BCKDHB: variants seen among roughly 807,000 people sequenced by gnomAD.
BCKDHB encodes branched chain keto acid dehydrogenase E1 subunit beta.
BCKDHB carries 41 observed loss-of-function variants against 48.5 expected under a neutral mutation model. That is an observed-to-expected ratio of 0.85 (90% CI 0.66 to 1.10). The LOEUF (loss-of-function observed/expected upper bound fraction) is 1.10, where lower values mean the gene tolerates loss of function less well. BCKDHB is among the 50% of genes least tolerant of loss of function. The pLI is 0.00. For synonymous variants in BCKDHB, 201 were observed against 174.8 expected (o/e 1.15, Z -1.18); for missense variants, 496 against 494.2 (o/e 1.00, Z -0.03).
At chr6:80,181,396 C>G (rs947869564) in intron 6 of BCKDHB, among the ~76,000 whole-genome samples, 1 of 152,142 alleles carries the variant, frequency 6.6e-6, no homozygotes, top group African/African-American at 2.4e-5. Context: ...CATACTCTGA[C>G]TGTCAGCCAT....
At chr6:80,353,088 C>A in the BCKDHB span, among the ~76,000 whole-genome samples, 1 of 152,260 alleles carries the variant, frequency 6.6e-6, no homozygotes, top group Non-Finnish European at 1.5e-5. Flanking sequence ...TCTCCATTCT[C>A]TATTATTCCA....
At chr6:80,428,568 G>A in the BCKDHB span, among the ~76,000 whole-genome samples, 4 of 152,096 alleles carry the variant, frequency 2.6e-5, no homozygotes, top group Non-Finnish European at 5.9e-5. Context: ...ACCATTCTAA[G>A]TGGTGTGAAA....
chr6:80,374,641 T>C, the BCKDHB span: 1 of 498,316 alleles, frequency 2.0e-6, no homozygotes, highest in African/African-American at 1.9e-5. Context: ...TTTAGGCCAT[T>C]TACATTCAAT....
At chr6:80,251,975 A>G (rs1355626153) in intron 8 of BCKDHB, among the ~76,000 whole-genome samples, 4 of 152,208 alleles carry the variant, frequency 2.6e-5, no homozygotes, top group African/African-American at 9.6e-5. Flanking sequence ...GAAAGGCTCA[A>G]TTTTATGCCA....
At chr6:80,304,914 T>G (rs1199408257) in intron 9 of BCKDHB, among the ~76,000 whole-genome samples, 1 of 152,146 alleles carries the variant, frequency 6.6e-6, no homozygotes, top group Non-Finnish European at 1.5e-5. Flanking sequence ...TGATAAAGGT[T>G]ATCTACCAAA....
chr6:80,231,911 G>A (rs1239084097), intron 8 of BCKDHB, among the ~76,000 whole-genome samples: 1 of 152,220 alleles, frequency 6.6e-6, no homozygotes, highest in Admixed American at 6.5e-5. Context: ...GTTGCAATGA[G>A]CCGAGATTGC....
intron 1 of BCKDHB, among the ~76,000 whole-genome samples, chr6:80,124,173 G>A (rs772066961): frequency 6.6e-5 from 10 of 152,162 alleles, no homozygotes; most frequent in African/African-American, 2.4e-4. Flanking sequence ...TCAGGAGCAG[G>A]TTGTTCAGTT....
intron 3 of BCKDHB, among the ~76,000 whole-genome samples, chr6:80,137,888 A>G (rs1204735602): frequency 2.0e-5 from 3 of 152,052 alleles, no homozygotes; most frequent in Non-Finnish European, 4.4e-5. Flanking sequence ...GTTTGAGACC[A>G]GCCTGGGCAA....
intron 9 of BCKDHB, among the ~76,000 whole-genome samples, chr6:80,325,305 A>C (rs1346170638): frequency 6.6e-6 from 1 of 152,160 alleles, no homozygotes; most frequent in Non-Finnish European, 1.5e-5. Context: ...AGAATCTAGG[A>C]CTTCTATAAT....
At chr6:80,248,634 G>C (rs892236754) in intron 8 of BCKDHB, among the ~76,000 whole-genome samples, 3 of 152,116 alleles carry the variant, frequency 2.0e-5, no homozygotes, top group African/African-American at 7.2e-5. Flanking sequence ...AAGTGGAAGG[G>C]AGAGTTGGGG....
chr6:80,289,340 C>A (rs1766793916), intron 9 of BCKDHB, among the ~76,000 whole-genome samples: 1 of 151,716 alleles, frequency 6.6e-6, no homozygotes, highest in South Asian at 2.1e-4. Context: ...GTGAGACTGC[C>A]AAGTATATCA....
chr6:80,351,914 C>T, the BCKDHB span, among the ~76,000 whole-genome samples: 2 of 151,446 alleles, frequency 1.3e-5, no homozygotes, highest in Non-Finnish European at 2.9e-5. Flanking sequence ...CTCTGCCTTC[C>T]GGGTTCAAGC....
At chr6:80,342,679 C>G (rs1215289039) in intron 9 of BCKDHB, among the ~76,000 whole-genome samples, 2 of 151,340 alleles carry the variant, frequency 1.3e-5, no homozygotes, top group African/African-American at 2.4e-5. Flanking sequence ...GTGGTCACAG[C>G]TACTTGGTAG....
chr6:80,295,526 T>C (rs1356174110), intron 9 of BCKDHB, among the ~76,000 whole-genome samples: 1 of 151,400 alleles, frequency 6.6e-6, no homozygotes, highest in Non-Finnish European at 1.5e-5. Context: ...ATGGGAATTA[T>C]GGGAGCTACA....
chr6:80,245,464 T>C (rs1776572258), intron 8 of BCKDHB, among the ~76,000 whole-genome samples: 1 of 152,162 alleles, frequency 6.6e-6, no homozygotes, highest in Admixed American at 6.5e-5. Flanking sequence ...TTGAGCTTCC[T>C]TCCTTGCTGG....
At chr6:80,188,126 A>T (rs1306172114) in intron 6 of BCKDHB, among the ~76,000 whole-genome samples, 1 of 152,190 alleles carries the variant, frequency 6.6e-6, no homozygotes, top group African/African-American at 2.4e-5. Context: ...GTATATATAC[A>T]CCATGGAAAA....
chr6:80,171,226 G>A (rs1013640163), intron 5 of BCKDHB, 56 bp from the exon 6 acceptor site: 24 of 986,492 alleles, frequency 2.4e-5, no homozygotes, highest in South Asian at 4.2e-5. Context: ...TCTTAGCAGC[G>A]AGTTTACTGG....
At chr6:80,177,225 CAAAAAAAAAAAAA>C (rs575991853) in intron 6 of BCKDHB, among the ~76,000 whole-genome samples, 2 of 43,148 alleles carry the variant, frequency 4.6e-5, no homozygotes, top group African/African-American at 9.6e-5. Context: ...GACCTTGTCT[CAAAAAAAAAAAAA>C]AAAAAAAAAA....
At chr6:80,168,125 A>G (rs1233692709) in intron 4 of BCKDHB, among the ~76,000 whole-genome samples, 1 of 151,936 alleles carries the variant, frequency 6.6e-6, no homozygotes, top group East Asian at 1.9e-4. Context: ...ATATCTACAA[A>G]AACTACAAAA....
Sources: gnomAD v4.1 joint callset for allele counts (sites outside exome capture counted in the v4.1 genomes callset) on GRCh38, gnomAD v4.1.1 for gene constraint, MANE v1.5 for transcripts, NCBI Gene and HGNC (gene_info 2026-07-23, HGNC 2026-07-21) for gene names.